The following RUNX2 variants were observed in gnomAD, a reference collection of about 807,000 sequenced individuals.
RUNX2 encodes the protein RUNX family transcription factor 2.
RUNX2 carries 10 observed loss-of-function variants against 51.7 expected under a neutral mutation model. The observed-to-expected ratio is 0.19, with a 90% CI of 0.12 to 0.33. The LOEUF (loss-of-function observed/expected upper bound fraction) is 0.33, where lower values mean the gene tolerates loss of function less well. Among genes scored for constraint, RUNX2 ranks in the 10% least tolerant of loss-of-function variants. RUNX2 has a pLI of 1.00. For synonymous variants in RUNX2, 276 were observed against 273.6 expected (o/e 1.01, Z -0.09); for missense variants, 562 against 691.3 (o/e 0.81, Z 2.10).
intron 2 of RUNX2, among the ~76,000 whole-genome samples, chr6:45,376,265 A>C (rs1183535506): frequency 3.9e-5 from 6 of 152,226 alleles, no homozygotes; most frequent in Admixed American, 3.9e-4. Context: ...TTTGAATATA[A>C]TTACAATTCC....
intron 2 of RUNX2, among the ~76,000 whole-genome samples, chr6:45,383,793 A>AT (rs199865896): frequency 0.02 from 3,061 of 152,292 alleles, 58 homozygotes; most frequent in South Asian, 0.085. Flanking sequence ...ACAGGACCAA[A>AT]AGTTATTTGG....
intron 5 of RUNX2, among the ~76,000 whole-genome samples, chr6:45,456,185 A>G (rs1397773707): frequency 1.3e-5 from 2 of 152,204 alleles, no homozygotes; most frequent in Non-Finnish European, 1.5e-5. Flanking sequence ...TTTTGACATA[A>G]TTCCTTTTAC....
At chr6:45,423,300 C>G (rs977228895) in intron 3 of RUNX2, among the ~76,000 whole-genome samples, 4 of 152,150 alleles carry the variant, frequency 2.6e-5, no homozygotes, top group African/African-American at 9.6e-5. Context: ...CCCAAAGTAC[C>G]CACTCTTGCA....
chr6:45,432,681 C>T (rs1184674569), intron 4 of RUNX2, among the ~76,000 whole-genome samples: 1 of 152,018 alleles, frequency 6.6e-6, no homozygotes, highest in East Asian at 1.9e-4. Context: ...ATTAGAGATC[C>T]TTAAATAGAA....
intron 3 of RUNX2, 134 bp downstream of exon 3, chr6:45,423,091 C>T: frequency 9.1e-7 from 1 of 1,099,038 alleles, no homozygotes; most frequent in Non-Finnish European, 1.2e-6. Flanking sequence ...CCCAGAAACC[C>T]CCGGCCGGGC....
At chr6:45,539,025 CT>C (rs1802134749) in intron 7 of RUNX2, among the ~76,000 whole-genome samples, 1 of 152,116 alleles carries the variant, frequency 6.6e-6, no homozygotes, top group Admixed American at 6.5e-5. Context: ...TTTTTCCTCC[CT>C]TTTCTCTCCC....
At chr6:45,446,216 C>T (rs1227843281) in intron 5 of RUNX2, among the ~76,000 whole-genome samples, 1 of 152,176 alleles carries the variant, frequency 6.6e-6, no homozygotes, top group Non-Finnish European at 1.5e-5. Context: ...TCTGAATATG[C>T]GTTTTCATTG....
intron 6 of RUNX2, among the ~76,000 whole-genome samples, chr6:45,496,826 G>T (rs1402676321): frequency 5.9e-5 from 9 of 152,212 alleles, no homozygotes. Flanking sequence ...TCAGGAAGCT[G>T]CTACAGTAGC....
intron 7 of RUNX2, among the ~76,000 whole-genome samples, chr6:45,542,145 A>G (rs1023681031): frequency 6.6e-6 from 1 of 152,146 alleles, no homozygotes; most frequent in African/African-American, 2.4e-5. Context: ...AAGATCAGAC[A>G]TTCTGTTTGA....
chr6:45,438,072 T>G (rs1444803372), intron 5 of RUNX2, 21 bp downstream of exon 5: 1 of 1,433,126 alleles, frequency 7.0e-7, no homozygotes, highest in African/African-American at 1.4e-5. Context: ...CCCTTTTTAT[T>G]GAAGAAAGTA....
At chr6:45,416,261 TCA>T (rs1259361238) in intron 2 of RUNX2, among the ~76,000 whole-genome samples, 1 of 152,232 alleles carries the variant, frequency 6.6e-6, no homozygotes, top group African/African-American at 2.4e-5. Context: ...TTCAAATTTC[TCA>T]CACTGTGCAA....
chr6:45,341,726 A>T (rs896825135), intron 2 of RUNX2, among the ~76,000 whole-genome samples: 1 of 152,232 alleles, frequency 6.6e-6, no homozygotes, highest in South Asian at 2.1e-4. Flanking sequence ...CAGCAGTAGC[A>T]ATATTATTAC....
intron 2 of RUNX2, among the ~76,000 whole-genome samples, chr6:45,363,866 T>A (rs1455279090): frequency 6.6e-6 from 1 of 151,818 alleles, no homozygotes; most frequent in African/African-American, 2.4e-5. Context: ...ATATAACAGG[T>A]TTACTACTTT....
chr6:45,443,785 AAGT>A (rs1276229985), intron 5 of RUNX2, among the ~76,000 whole-genome samples: 1 of 152,230 alleles, frequency 6.6e-6, no homozygotes, highest in Non-Finnish European at 1.5e-5. Flanking sequence ...GAACAAAAAG[AAGT>A]ATGAGCCTTG....
chr6:45,340,867 A>C (rs1328176553), intron 2 of RUNX2, among the ~76,000 whole-genome samples: 2 of 152,138 alleles, frequency 1.3e-5, no homozygotes, highest in East Asian at 3.9e-4. Flanking sequence ...ATCTGGAATC[A>C]AATCCTACTT....
At chr6:45,428,941 G>C (rs1798461176) in intron 3 of RUNX2, among the ~76,000 whole-genome samples, 1 of 149,366 alleles carries the variant, frequency 6.7e-6, no homozygotes, top group South Asian at 2.1e-4. Flanking sequence ...AGAACATGAA[G>C]TGAGGAAGTA....
chr6:45,363,742 G>A (rs1794663835), intron 2 of RUNX2, among the ~76,000 whole-genome samples: 4 of 151,708 alleles, frequency 2.6e-5, no homozygotes, highest in Admixed American at 2.6e-4. Context: ...TTAAAATATA[G>A]GCTCACTTCA....
chr6:45,426,554 T>C (rs573386451), intron 3 of RUNX2, among the ~76,000 whole-genome samples: 1 of 152,210 alleles, frequency 6.6e-6, no homozygotes, highest in African/African-American at 2.4e-5. Context: ...GCTGAAACAC[T>C]ATGCAGAAAT....
chr6:45,506,330 T>C (rs1052521835), intron 6 of RUNX2, among the ~76,000 whole-genome samples: 8 of 152,178 alleles, frequency 5.3e-5, no homozygotes, highest in African/African-American at 1.9e-4. Context: ...CTCAAGTTTA[T>C]GTTACAGGTC....
Sources: allele counts gnomAD v4.1 joint callset (sites outside exome capture counted in the v4.1 genomes callset), GRCh38; gene constraint gnomAD v4.1.1; transcripts MANE v1.5; gene names NCBI Gene and HGNC (gene_info 2026-07-23, HGNC 2026-07-21).